Variants in CHRM2 observed in about 807,000 individuals in gnomAD.
CHRM2 encodes the protein muscarinic acetylcholine receptor M2.
A neutral mutation model predicts 25.0 loss-of-function variants in CHRM2; 8 were observed. The ratio of observed to expected loss-of-function variants is 0.32; its 90% confidence interval spans 0.19 to 0.58. The LOEUF is 0.58. Ranked by LOEUF, CHRM2 falls within the 20% of genes least tolerant of loss-of-function variation. The pLI, the probability that CHRM2 is intolerant of heterozygous loss-of-function variation, is 0.88. For missense variants in CHRM2, 440 were observed against 567.1 expected, an observed-to-expected ratio of 0.78 and a Z score of 2.28; for synonymous variants, 202 against 205.7, an observed-to-expected ratio of 0.98 and a Z score of 0.15.
chr7:137,013,914 G>A (rs950462607), intron 3 of CHRM2, among the ~76,000 whole-genome samples: 1 of 152,034 alleles, frequency 6.6e-6, no homozygotes, highest in Non-Finnish European at 1.5e-5. Context: ...TCATCTTTCT[G>A]AGCCTTAGTT....
chr7:137,014,915 CTTA>C lies in CHRM2; in HGVS notation c.52_54del (p.Tyr18del), dbSNP rs876657763. 2 of 1,613,116 alleles carry C rather than the reference CTTA, an allele frequency of 1.2e-6. No individual in the cohort carries two copies. The highest frequency in any genetic ancestry group is 2.2e-5 in the South Asian group (2 of 91,062). On this transcript the variant is annotated inframe_deletion, in exon 4 of 4. Coordinates refer to ENST00000680005, the MANE Select transcript of CHRM2 (RefSeq NM_001006630.2). ...AACAATAGCCTGGCTCTTACAAGTC[CTTA>C]TAAGACATTTGAAGTGGTGTTTATT...
chr7:136,900,488 T>G lies in CHRM2; in HGVS notation c.-125+31070T>G, dbSNP rs149065734. 3.6e-4 allele frequency among the ~76,000 whole-genome samples: 55 copies of G among 152,072 alleles called. No individual in the cohort carries two copies. In the East Asian group the frequency reaches 6.6e-3, roughly 18 times the overall value. On this transcript the variant is annotated intron_variant, in intron 2 of 3. Transcript: ENST00000680005. ...TGATGGATTTGATCACAGGCTTACTTCAGTTTGGTTCTCCCAGAAACAAGG... is the reference window on the plus strand; with the variant it reads ...TGATGGATTTGATCACAGGCTTACTGCAGTTTGGTTCTCCCAGAAACAAGG...
At chr7:136,970,981 T>C (rs1801729424) in intron 2 of CHRM2, among the ~76,000 whole-genome samples, 2 of 152,182 alleles carry the variant, frequency 1.3e-5, no homozygotes, top group African/African-American at 4.8e-5. Context: ...CTTGACACAA[T>C]TGAACAAAAT....
intron 3 of CHRM2, among the ~76,000 whole-genome samples, chr7:136,999,489 T>G (rs1005886768): frequency 2.6e-5 from 4 of 152,236 alleles, no homozygotes; most frequent in South Asian, 2.1e-4. Context: ...GTTGGTGTGC[T>G]GCACCCATTA....
chr7:136,873,695 A>G (rs1795932265), intron 2 of CHRM2, among the ~76,000 whole-genome samples: 1 of 152,196 alleles, frequency 6.6e-6, no homozygotes, highest in Non-Finnish European at 1.5e-5. Context: ...TTCGCTATAA[A>G]TAGTTGTGGC....
At chr7:136,947,134 A>G (rs1800116180) in intron 2 of CHRM2, among the ~76,000 whole-genome samples, 1 of 152,212 alleles carries the variant, frequency 6.6e-6, no homozygotes, top group African/African-American at 2.4e-5. Flanking sequence ...GATTAAGGAA[A>G]GATTTGGAAG....
chr7:136,906,892 T>C (rs1797584825), intron 2 of CHRM2: 1 of 151,244 alleles, frequency 6.6e-6, no homozygotes, highest in Non-Finnish European at 1.5e-5. Flanking sequence ...TATAATGAAA[T>C]AACTATAAAA....
At chr7:136,903,375 T>G (rs1253674321) in intron 2 of CHRM2, 3 of 376,350 alleles carry the variant, frequency 8.0e-6, no homozygotes, top group Non-Finnish European at 1.6e-5. Context: ...TTACTCTTCC[T>G]GCTTTCAAAA....
In CHRM2 at chr7:137,003,720, G is replaced by A. The variant is rs192791328; in HGVS notation, c.-46-11100G>A. Among the ~76,000 whole-genome samples, 3 of 152,184 alleles carry A rather than the reference G, an allele frequency of 2.0e-5. No homozygotes were observed. In the East Asian group the frequency reaches 5.8e-4, roughly 30 times the overall value. ...GCATGCTAAACCAACTTTGCTGATA[G>A]TAGTATAATTGTTGATATGGTTTGG... On this transcript the variant is annotated intron_variant, in intron 3 of 3. Coordinates refer to ENST00000680005, the MANE Select transcript of CHRM2 (RefSeq NM_001006630.2).
intron 3 of CHRM2, among the ~76,000 whole-genome samples, chr7:137,003,490 A>T (rs1240950456): frequency 0.013 from 210 of 15,906 alleles, 4 homozygotes; most frequent in East Asian, 0.074. Flanking sequence ...ACACACACAC[A>T]CACACACACA....
chr7:136,942,573 T>G (rs887579187), intron 2 of CHRM2, among the ~76,000 whole-genome samples: 2 of 152,206 alleles, frequency 1.3e-5, no homozygotes, highest in African/African-American at 4.8e-5. Flanking sequence ...ATTCTTTCTC[T>G]GTGATGTCTG....
chr7:137,015,231 C>G lies in CHRM2; in HGVS notation c.366C>G (p.Tyr122Ter). 1 of 1,613,386 alleles carries G rather than the reference C, an allele frequency of 6.2e-7. No individual in the cohort carries two copies. Among genetic ancestry groups the G allele is most frequent in the Non-Finnish European group, 8.5e-7 (1 of 1,179,620 alleles). Residue 122 changes from tyrosine (Y) to a stop codon, truncating the protein, a stop_gained, in exon 4 of 4, where the codon TAC becomes TAG. Coordinates refer to ENST00000680005, the MANE Select transcript of CHRM2 (RefSeq NM_001006630.2). LOFTEE classifies it high-confidence loss of function. This position sits in a 1 kb window ranked among gnomAD's most constrained non-coding sequence, Gnocchi z 5.1. ...TGCTCATCATCAGCTTTGACAGGTACTTCTGTGTCACAAAACCTCTGACCT... is the reference window on the plus strand; with the variant it reads ...TGCTCATCATCAGCTTTGACAGGTAGTTCTGTGTCACAAAACCTCTGACCT... ...MNLLIISFDR[Y>*]FCVTKPLTYP...
intron 2 of CHRM2, among the ~76,000 whole-genome samples, chr7:136,913,364 C>T (rs1466091430): frequency 2.0e-5 from 3 of 151,866 alleles, no homozygotes; most frequent in Non-Finnish European, 4.4e-5. Context: ...TTAAAAGAAT[C>T]CATTTTCAGA....
chr7:136,906,306 T>C (rs1394515922), intron 2 of CHRM2, among the ~76,000 whole-genome samples: 1 of 151,092 alleles, frequency 6.6e-6, no homozygotes, highest in African/African-American at 2.4e-5. Context: ...TGTGTGTGTA[T>C]GTATGTGTGC....
intron 2 of CHRM2, among the ~76,000 whole-genome samples, chr7:136,935,478 G>A (rs1203432644): frequency 6.6e-6 from 1 of 152,030 alleles, no homozygotes; most frequent in Non-Finnish European, 1.5e-5. Context: ...TAATGATGAA[G>A]TTTAAACAAG....
rs554275699 is a variant in CHRM2 at position 137,002,412 on chromosome 7, A to G, written c.-47+10148A>G. Reference sequence around the variant, plus strand: ...TGTTCTAAATTTGTGGAGGACCAGAAATTTTTCTTTAGTCCCTCAGAAAGA... The same window carrying G: ...TGTTCTAAATTTGTGGAGGACCAGAGATTTTTCTTTAGTCCCTCAGAAAGA... On this transcript the variant is annotated intron_variant, in intron 3 of 3. Transcript: ENST00000680005. 3.9e-5 allele frequency among the ~76,000 whole-genome samples: 6 copies of G among 152,274 alleles called. 1 individual carries two copies. In the South Asian group the frequency reaches 1.2e-3, roughly 32 times the overall value.
chr7:137,016,250 T>G lies in CHRM2; in HGVS notation c.1385T>G (p.Ile462Arg). The G allele has an allele frequency of 6.2e-7, 1 of 1,612,708 alleles. No individual in the cohort carries two copies. The highest frequency in any genetic ancestry group is 8.5e-7 in the Non-Finnish European group (1 of 1,179,114). ...KHLLMCHYKN[I>R]GATR Reference sequence around the variant, plus strand: ...CTTCTCATGTGTCATTATAAGAACATAGGCGCTACAAGGTAAAATATCTTT... The same window carrying G: ...CTTCTCATGTGTCATTATAAGAACAGAGGCGCTACAAGGTAAAATATCTTT... The change falls in exon 4 of 4, where the codon ATA becomes AGA. Residue 462 changes from isoleucine to arginine, a missense_variant. Ile to Arg is a moderately conservative substitution (Grantham distance 97). Around this residue, in one of 5 missense-constraint regions of CHRM2, gnomAD observed 65 missense variants for 108.9 expected, o/e 0.60. Transcript: ENST00000680005.
intron 2 of CHRM2, among the ~76,000 whole-genome samples, chr7:136,987,698 TC>T (rs1462304951): frequency 6.6e-6 from 1 of 152,190 alleles, no homozygotes; most frequent in African/African-American, 2.4e-5. Context: ...GATGCGTCAG[TC>T]GGAGCTACCA....
chr7:136,983,140 C>T (rs747718658), intron 2 of CHRM2, among the ~76,000 whole-genome samples: 14 of 152,218 alleles, frequency 9.2e-5, no homozygotes, highest in Middle Eastern at 3.4e-3. Context: ...TTATTCATTC[C>T]TTTTCATTCT....
Sources: gnomAD v4.1 joint callset for allele counts (sites outside exome capture counted in the v4.1 genomes callset) on GRCh38, gnomAD v4.1.1 for gene constraint, gnomAD v4.1.1 regional missense constraint, Gnocchi (gnomAD v3.1) non-coding constraint, MANE v1.5 for transcripts, NCBI Gene and HGNC (gene_info 2026-07-23, HGNC 2026-07-21) for gene names.